The following SCPEP1 variants were observed in gnomAD, a reference collection of about 807,000 sequenced individuals.
The protein encoded by SCPEP1 is serine carboxypeptidase 1.
Under a neutral mutation model 63.8 loss-of-function variants are expected in SCPEP1, and 51 were observed. The observed-to-expected ratio is 0.80, with a 90% CI of 0.64 to 1.01. The LOEUF (loss-of-function observed/expected upper bound fraction) is 1.01. SCPEP1 is among the 50% of genes least tolerant of loss of function. The pLI, the probability that SCPEP1 is intolerant of heterozygous loss-of-function variation, is 0.00. For synonymous variants in SCPEP1, 204 were observed against 207.8 expected (o/e 0.98, Z 0.16); for missense variants, 499 against 554.9 (o/e 0.90, Z 1.01).
intron 5 of SCPEP1, among the ~76,000 whole-genome samples, chr17:56,989,012 C>A (rs1361904434): frequency 1.3e-5 from 2 of 151,562 alleles, no homozygotes; most frequent in African/African-American, 4.9e-5. Context: ...CATAGCGACA[C>A]CCTGTTTCTA....
chr17:57,002,238 C>A, intron 12 of SCPEP1, 57 bp downstream of exon 12: 1 of 1,558,888 alleles, frequency 6.4e-7, no homozygotes, highest in South Asian at 1.2e-5. Context: ...AAGCCACAGG[C>A]GGTTATTATG....
At chr17:57,005,041 T>C (rs1911843208) in intron 12 of SCPEP1, among the ~76,000 whole-genome samples, 1 of 152,254 alleles carries the variant, frequency 6.6e-6, no homozygotes, top group Non-Finnish European at 1.5e-5. Flanking sequence ...TTTCGGTCTC[T>C]ACCTACAATG....
chr17:56,983,594 C>A (rs551632418), intron 2 of SCPEP1: 81 of 152,188 alleles, frequency 5.3e-4, no homozygotes, highest in African/African-American at 1.9e-3. Context: ...TGAGTTGCAC[C>A]CTTACTTCTG....
chr17:57,002,659 A>AT, intron 12 of SCPEP1, among the ~76,000 whole-genome samples: 1 of 152,114 alleles, frequency 6.6e-6, no homozygotes, highest in African/African-American at 2.4e-5. Context: ...GTGAGCCGAG[A>AT]TAGCACCACT....
intron 12 of SCPEP1, among the ~76,000 whole-genome samples, chr17:57,004,903 A>G (rs1009986013): frequency 3.0e-4 from 45 of 152,358 alleles, no homozygotes; most frequent in African/African-American, 9.4e-4. Context: ...AGTACTTCAC[A>G]GTAAGAAATA....
At chr17:57,003,206 C>T (rs911814261) in intron 12 of SCPEP1, among the ~76,000 whole-genome samples, 2 of 152,054 alleles carry the variant, frequency 1.3e-5, no homozygotes, top group Non-Finnish European at 2.9e-5. Flanking sequence ...CCTCAGACAG[C>T]GAGGACTTGG....
rs148471677 is a variant in SCPEP1, at chr17:56,988,289, A to T, written c.545A>T (p.Lys182Met). Residue 182 changes from lysine to methionine, a missense_variant and splice_region_variant, in exon 5 of 13, where the codon AAG becomes ATG. By Grantham distance (95) the Lys-to-Met change is moderately conservative. Coordinates refer to ENST00000262288, the MANE Select transcript of SCPEP1 (RefSeq NM_021626.3). ...MAAGIGLELY[K>M]AIQRGTIKCN... The stretch of plus-strand genomic sequence containing the variant: ...GCTGGCATTGGTCTAGAGCTTTATA[A>T]GGTAATGGAAAATAACTTTGTTGTT... 1,156 of 1,605,590 alleles carry T rather than the reference A, an allele frequency of 7.2e-4. 1 individual carries two copies. The highest frequency in any genetic ancestry group is 9.4e-4 in the Non-Finnish European group (1,099 of 1,174,560).
chr17:56,982,704 G>T (rs3095495), intron 2 of SCPEP1: 25,604 of 151,824 alleles, frequency 0.17, 2,360 homozygotes, highest in African/African-American at 0.24. Flanking sequence ...GGGAGATTTT[G>T]GTGGTTTTCA....
At chr17:56,978,911 T>C (rs1402264148) in intron 1 of SCPEP1, among the ~76,000 whole-genome samples, 1 of 152,170 alleles carries the variant, frequency 6.6e-6, no homozygotes, top group Non-Finnish European at 1.5e-5. Context: ...GTCTGGGAGA[T>C]TTTGTAAAAT....
chr17:57,000,021 G>T (rs1278076165), intron 10 of SCPEP1, among the ~76,000 whole-genome samples: 2 of 150,858 alleles, frequency 1.3e-5, no homozygotes, highest in African/African-American at 2.4e-5. Flanking sequence ...GTGGTGGTGT[G>T]CATCTGTAGT....
intron 6 of SCPEP1, among the ~76,000 whole-genome samples, chr17:56,992,176 C>A (rs564563618): frequency 2.7e-4 from 41 of 152,110 alleles, no homozygotes; most frequent in Non-Finnish European, 5.4e-4. Flanking sequence ...TAAAAATAAT[C>A]ATTTATAAAA....
rs1235202639 is a variant in SCPEP1 at position 56,981,172 on chromosome 17, AT to A, written c.169del (p.Tyr57MetfsTer69). 6.2e-7 allele frequency: 1 copy of A among 1,614,014 alleles called. No individual in the cohort carries two copies. Among genetic ancestry groups the A allele is most frequent in the Non-Finnish European group, 8.5e-7 (1 of 1,180,026 alleles). ...RKDAYMFWWL[Y>X]YATNSCKNFS... ...GATGCCTACATGTTCTGGTGGCTCT[AT>A]TATGCCACCAACTCCTGCAAGAACT... On this transcript the variant is annotated frameshift_variant, in exon 2 of 13. Coordinates refer to ENST00000262288, the MANE Select transcript of SCPEP1 (RefSeq NM_021626.3). LOFTEE classifies it high-confidence loss of function.
intron 12 of SCPEP1, among the ~76,000 whole-genome samples, chr17:57,005,471 T>G (rs8072896): frequency 0.51 from 77,411 of 151,888 alleles, 20,166 homozygotes; most frequent in African/African-American, 0.57. Context: ...ATAACCCACC[T>G]TGCCTGTGCC....
intron 8 of SCPEP1, 139 bp downstream of exon 8, chr17:56,995,774 A>G: frequency 2.1e-6 from 2 of 953,730 alleles, no homozygotes; most frequent in Middle Eastern, 3.6e-4. Context: ...TGGATAATAA[A>G]TCTCTTGGGT....
chr17:56,986,730 A>G (rs1911232138), intron 3 of SCPEP1, among the ~76,000 whole-genome samples: 1 of 151,420 alleles, frequency 6.6e-6, no homozygotes, highest in African/African-American at 2.4e-5. Flanking sequence ...TATTTTTAGT[A>G]GAGGTGGGAT....
intron 3 of SCPEP1, among the ~76,000 whole-genome samples, chr17:56,986,196 C>T (rs1450412523): frequency 6.6e-6 from 1 of 151,976 alleles, no homozygotes; most frequent in South Asian, 2.1e-4. Context: ...GCCTCCCTCT[C>T]GCATTAGAAG....
chr17:56,983,064 C>T (rs1487042048), intron 2 of SCPEP1: 1 of 152,100 alleles, frequency 6.6e-6, no homozygotes. Context: ...GTCTTCGAAG[C>T]GTTTCACTTG....
At position 57,006,337 on chromosome 17, in the gene SCPEP1, G is replaced by T; in HGVS notation, c.*102G>T. 1.3e-6 allele frequency: 1 copy of T among 788,706 alleles called. No homozygotes were observed. 48.9% of individuals were successfully genotyped at this position (788,706 alleles called of 1,614,324 possible). A position where few individuals can be genotyped will look rare whatever the true frequency, so the allele number is the denominator to read the frequency against. On this transcript the variant is annotated 3_prime_UTR_variant, in exon 13 of 13. Transcript: ENST00000262288. ...CGCCATTCTTCCCTGTATCTAACTGGGGCTGTGATCAAGAAGGTTCTGACC... is the reference window on the plus strand; with the variant it reads ...CGCCATTCTTCCCTGTATCTAACTGTGGCTGTGATCAAGAAGGTTCTGACC...
chr17:56,995,863 G>T, intron 8 of SCPEP1: 28 of 224,394 alleles, frequency 1.2e-4, no homozygotes, highest in East Asian at 2.5e-4. Flanking sequence ...TTCACTAAAT[G>T]TATGGATTCT....
Sources: allele counts gnomAD v4.1 joint callset (sites outside exome capture counted in the v4.1 genomes callset), GRCh38; gene constraint gnomAD v4.1.1; transcripts MANE v1.5; gene names NCBI Gene and HGNC (gene_info 2026-07-23, HGNC 2026-07-21).